The following NCKAP5 variants were observed in gnomAD, a reference collection of about 807,000 sequenced individuals.
NCKAP5 encodes the protein nck-associated protein 5.
A neutral mutation model predicts 167.0 loss-of-function variants in NCKAP5; 92 were observed. That is an observed-to-expected ratio of 0.55 (90% confidence interval 0.47 to 0.66). The LOEUF is 0.66. Ranked by LOEUF, NCKAP5 falls within the 30% of genes least tolerant of loss-of-function variation. NCKAP5 has a pLI of 0.00. For missense variants in NCKAP5, 2,378 were observed against 2,315.0 expected, an observed-to-expected ratio of 1.03 and a Z score of -0.56; for synonymous variants, 891 against 877.4, an observed-to-expected ratio of 1.02 and a Z score of -0.27.
intron 4 of NCKAP5, among the ~76,000 whole-genome samples, chr2:133,243,794 AAAC>A (rs948185312): frequency 4.1e-4 from 63 of 152,334 alleles, no homozygotes; most frequent in African/African-American, 1.5e-3. Flanking sequence ...GCTCCAAGAA[AAAC>A]AACGTTTGCT....
At chr2:132,758,743 G>A (rs182485961) in intron 16 of NCKAP5, among the ~76,000 whole-genome samples, 66 of 152,254 alleles carry the variant, frequency 4.3e-4, no homozygotes, top group Admixed American at 3.9e-3. Context: ...CTGGGATGGG[G>A]GATGAATGGC....
chr2:132,675,115 T>G (rs1684265632), intron 19 of NCKAP5, among the ~76,000 whole-genome samples: 1 of 152,232 alleles, frequency 6.6e-6, no homozygotes. Context: ...TTCTCATCTA[T>G]GTGGATCTCA....
intron 16 of NCKAP5, among the ~76,000 whole-genome samples, chr2:132,768,208 TTG>T (rs1681689266): frequency 1.3e-5 from 2 of 152,194 alleles, no homozygotes; most frequent in Admixed American, 1.3e-4. Context: ...ATTCAATTTT[TTG>T]TGTGAATCCT....
the NCKAP5 span, among the ~76,000 whole-genome samples, chr2:133,636,356 C>A: frequency 2.6e-5 from 4 of 152,114 alleles, no homozygotes; most frequent in African/African-American, 9.7e-5. Flanking sequence ...AATGACTGGT[C>A]ATGCAAAAAC....
At chr2:132,837,859 T>C (rs988641951) in intron 11 of NCKAP5, among the ~76,000 whole-genome samples, 13 of 152,144 alleles carry the variant, frequency 8.5e-5, no homozygotes, top group African/African-American at 3.1e-4. Context: ...TGGAGGCTGT[T>C]TAGCTCCTGC....
intron 5 of NCKAP5, among the ~76,000 whole-genome samples, chr2:133,202,684 T>A (rs2150127463): frequency 6.6e-6 from 1 of 151,954 alleles, no homozygotes; most frequent in South Asian, 2.1e-4. Flanking sequence ...CTTCAACAAA[T>A]TTACAAGAAA....
Position 133,516,532 on chromosome 2 carries a change from T to G in NCKAP5, c.69+926A>C, listed in dbSNP as rs151314535. On this transcript the variant is annotated intron_variant, in intron 3 of 19. Transcript: ENST00000409261. ...CAGAAACTCACATCTATGAATAATT[T>G]GTGAGGCAGAGCCTCAGCCGCTAAG... Among the ~76,000 whole-genome samples, 18 of 152,332 alleles carry G rather than the reference T, an allele frequency of 1.2e-4. No homozygotes were observed. In the East Asian group the frequency reaches 3.5e-3, roughly 29 times the overall value.
At chr2:133,050,268 T>A (rs963896209) in intron 6 of NCKAP5, among the ~76,000 whole-genome samples, 8 of 151,784 alleles carry the variant, frequency 5.3e-5, no homozygotes, top group African/African-American at 1.9e-4. Flanking sequence ...ACATATTAAC[T>A]GACTGTGTAT....
At chr2:133,046,205 G>A (rs1465676983) in intron 6 of NCKAP5, among the ~76,000 whole-genome samples, 2 of 152,132 alleles carry the variant, frequency 1.3e-5, no homozygotes, top group Non-Finnish European at 1.5e-5. Flanking sequence ...AGGCATGGCT[G>A]TATATTTAGT....
intron 5 of NCKAP5, among the ~76,000 whole-genome samples, chr2:133,136,653 G>A (rs1314856737): frequency 6.6e-6 from 1 of 152,184 alleles, no homozygotes; most frequent in Non-Finnish European, 1.5e-5. Context: ...GAATCATGGG[G>A]AAAACATTAG....
Position 133,273,611 on chromosome 2 carries a change from G to A in NCKAP5, c.143+29426C>T, listed in dbSNP as rs149277415. Among the ~76,000 whole-genome samples, 28 of 152,086 alleles carry A rather than the reference G, an allele frequency of 1.8e-4. No individual in the cohort carries two copies. In the East Asian group the frequency reaches 5.0e-3, roughly 27 times the overall value. ...GGTTAGAAGGACTCTGATACCAAAA[G>A]TAAATATAGGCTGTATGGGAAAGGA... On this transcript the variant is annotated intron_variant, in intron 4 of 19. Coordinates refer to ENST00000409261, the MANE Select transcript of NCKAP5 (RefSeq NM_207363.3).
At chr2:132,762,942 GC>G (rs2104871222) in intron 16 of NCKAP5, among the ~76,000 whole-genome samples, 1 of 152,300 alleles carries the variant, frequency 6.6e-6, no homozygotes, top group Admixed American at 6.5e-5. Flanking sequence ...TGGTATGAGA[GC>G]TTTTTTTGGT....
intron 19 of NCKAP5, among the ~76,000 whole-genome samples, chr2:132,713,788 G>A (rs557327980): frequency 2.6e-5 from 4 of 152,234 alleles, no homozygotes; most frequent in African/African-American, 7.2e-5. Flanking sequence ...TGATGCTTGT[G>A]GGGGGTTCAT....
chr2:133,205,430 T>C (rs2085905369), intron 5 of NCKAP5, among the ~76,000 whole-genome samples: 1 of 152,160 alleles, frequency 6.6e-6, no homozygotes, highest in Admixed American at 6.5e-5. Context: ...CATTATATAT[T>C]CCTATATATG....
chr2:133,335,228 A>G (rs1683132865), intron 3 of NCKAP5, among the ~76,000 whole-genome samples: 1 of 152,190 alleles, frequency 6.6e-6, no homozygotes, highest in Non-Finnish European at 1.5e-5. Context: ...TTTCTGAGCC[A>G]TAATCACTGC....
In NCKAP5 at chr2:132,784,357, C is replaced by A. The variant is rs768259994; in HGVS notation, c.2454G>T (p.Glu818Asp). ...KSSPQKSKLM[E>D]PEATTLLPSS... ...AAGGGAGTAGTGTGGTGGCTTCGGG[C>A]TCCATTAGTTTTGATTTCTGAGGTG... is the stretch of plus-strand genomic sequence containing the variant. The change falls in exon 14 of 20, where the codon GAG becomes GAT. Residue 818 changes from glutamate (E) to aspartate (D), a missense_variant. Coordinates refer to ENST00000409261, the MANE Select transcript of NCKAP5 (RefSeq NM_207363.3). 6 of 1,613,832 alleles carry A rather than the reference C, an allele frequency of 3.7e-6. No homozygotes were observed. In the African/African-American group the frequency reaches 8.0e-5, roughly 22 times the overall value.
intron 16 of NCKAP5, among the ~76,000 whole-genome samples, chr2:132,739,875 A>G (rs1390648905): frequency 6.6e-6 from 1 of 152,202 alleles, no homozygotes; most frequent in Non-Finnish European, 1.5e-5. Flanking sequence ...TGTTGGAGGC[A>G]GCACCTTAAA....
chr2:133,486,643 CATT>C (rs1680932468), intron 3 of NCKAP5, among the ~76,000 whole-genome samples: 1 of 152,192 alleles, frequency 6.6e-6, no homozygotes, highest in Non-Finnish European at 1.5e-5. Context: ...GAATTTACCT[CATT>C]AGATTATCAG....
chr2:133,401,471 C>G (rs1236398650), intron 3 of NCKAP5, among the ~76,000 whole-genome samples: 2 of 152,130 alleles, frequency 1.3e-5, no homozygotes, highest in Non-Finnish European at 2.9e-5. Context: ...GTGGTTGGCA[C>G]TTGAAATGGG....
Sources: allele counts gnomAD v4.1 joint callset (sites outside exome capture counted in the v4.1 genomes callset), GRCh38; gene constraint gnomAD v4.1.1; transcripts MANE v1.5; gene names NCBI Gene and HGNC (gene_info 2026-07-23, HGNC 2026-07-21).